PXK: variants seen among roughly 807,000 people sequenced by gnomAD.
The protein encoded by PXK is PX domain containing serine/threonine kinase like, also known as PX domain-containing protein kinase-like protein.
Under a neutral mutation model 84.7 loss-of-function variants are expected in PXK, and 35 were observed. That is an observed-to-expected ratio of 0.41 (90% confidence interval 0.32 to 0.55). The LOEUF (loss-of-function observed/expected upper bound fraction) is 0.55, where lower values mean the gene tolerates loss of function less well. Among genes scored for constraint, PXK ranks in the 20% least tolerant of loss-of-function variants. PXK has a pLI of 0.21. For missense variants in PXK, 634 were observed against 699.7 expected, an observed-to-expected ratio of 0.91 and a Z score of 1.06; for synonymous variants, 253 against 260.8, an observed-to-expected ratio of 0.97 and a Z score of 0.29.
rs1006949134 is a variant in PXK at position 58,421,729 on chromosome 3, A to G, written c.1529-3023A>G. ...CTGACAGGGCCTCTGCTGGACTGCC[A>G]GGTTCCCGTGTGGTTTGGTGGAGAA... On this transcript the variant is annotated intron_variant, in intron 17 of 17. Transcript: ENST00000356151. This position sits in a 1 kb window ranked among gnomAD's most constrained non-coding sequence, Gnocchi z 5.5. The G allele has an allele frequency of 2.0e-6, 2 of 985,316 alleles. No homozygotes were observed. Among genetic ancestry groups the G allele is most frequent in the Non-Finnish European group, 2.4e-6 (2 of 829,938 alleles). 61.0% of individuals were successfully genotyped at this position (985,316 alleles called of 1,614,324 possible). A position where few individuals can be genotyped will look rare whatever the true frequency, so the allele number is the denominator to read the frequency against.
At chr3:58,404,001 T>G in intron 13 of PXK, 91 bp downstream of exon 13, 1 of 852,208 alleles carries the variant, frequency 1.2e-6, no homozygotes, top group Non-Finnish European at 1.7e-6. Context: ...AGAAAAGATA[T>G]ATAATAGGGA....
chr3:58,391,657 T>G (rs1480758477), intron 6 of PXK, 116 bp from the exon 7 acceptor site: 1 of 936,338 alleles, frequency 1.1e-6, no homozygotes, highest in African/African-American at 1.7e-5. Flanking sequence ...AGACTTAGTG[T>G]TGTTTTCGTC....
rs2060706059 is a variant in PXK, at chr3:58,414,676, C to T, written c.1528+1713C>T. 1 of 152,134 alleles carries T rather than the reference C, an allele frequency of 6.6e-6. No individual in the cohort carries two copies. Among genetic ancestry groups the T allele is most frequent in the African/African-American group, 2.4e-5 (1 of 41,408 alleles). The allele number at this position is 152,134 out of a possible 1,614,324, so 9.4% of individuals were successfully genotyped here. Reference sequence around the variant, plus strand: ...TGTGAGGCCCCAGCACAATGCCTGGCAGAGTGAGAGTGCCTGGCAGAGATG... The same window carrying T: ...TGTGAGGCCCCAGCACAATGCCTGGTAGAGTGAGAGTGCCTGGCAGAGATG... On this transcript the variant is annotated intron_variant, in intron 17 of 17. Coordinates refer to ENST00000356151, the MANE Select transcript of PXK (RefSeq NM_017771.5). This position sits in a 1 kb window ranked among gnomAD's most constrained non-coding sequence, Gnocchi z 4.5.
Position 58,391,833 on chromosome 3 carries a change from C to T in PXK, c.601C>T (p.Leu201=). The T allele has an allele frequency of 1.2e-6, 2 of 1,611,754 alleles. No individual in the cohort carries two copies. Among genetic ancestry groups the T allele is most frequent in the Non-Finnish European group, 1.7e-6 (2 of 1,177,870 alleles). ...DKDFQCLIKL[L]PSCLHPYIYR... is the part of the protein sequence containing the mutation. ...AGATTTTCAGTGTCTAATCAAACTT[C>T]TGCCTTCTTGTTTGGTGAGTATACG... The change falls in exon 7 of 18, where the codon CTG becomes TTG. Residue 201 remains leucine, a synonymous_variant. Coordinates refer to ENST00000356151, the MANE Select transcript of PXK (RefSeq NM_017771.5).
At chr3:58,404,792 T>C (rs1412107475) in intron 13 of PXK, among the ~76,000 whole-genome samples, 2 of 152,012 alleles carry the variant, frequency 1.3e-5, no homozygotes, top group African/African-American at 4.8e-5. Flanking sequence ...AAAATAAATT[T>C]AGAAAACAAA....
At chr3:58,378,512 TTGTGTGTGTGTGTGTG>T (rs71091375) in intron 3 of PXK, among the ~76,000 whole-genome samples, 4 of 29,104 alleles carry the variant, frequency 1.4e-4, no homozygotes, top group African/African-American at 2.7e-4. Flanking sequence ...TTTTTTTTTT[TTGTGTGTGTGTGTGTG>T]TGTGTGTGTG....
At chr3:58,405,431 C>T (rs1400718527) in intron 13 of PXK, among the ~76,000 whole-genome samples, 1 of 152,126 alleles carries the variant, frequency 6.6e-6, no homozygotes, top group African/African-American at 2.4e-5. Flanking sequence ...GTAATCCCAA[C>T]ACTTTGGGAG....
chr3:58,414,098 G>C lies in PXK; in HGVS notation c.1528+1135G>C, dbSNP rs2060615689. The C allele has an allele frequency of 6.6e-6, 1 of 152,188 alleles. No homozygotes were observed. The highest frequency in any genetic ancestry group is 1.5e-5 in the Non-Finnish European group (1 of 68,040). 9.4% of individuals were successfully genotyped at this position (152,188 alleles called of 1,614,324 possible). ...AGATTTCCCAAGAAAGCCCCCAAAT[G>C]TTGATCAAGACAGAAAATAGGCCTT... On this transcript the variant is annotated intron_variant, in intron 17 of 17. Coordinates refer to ENST00000356151, the MANE Select transcript of PXK (RefSeq NM_017771.5). This position sits in a 1 kb window ranked among gnomAD's most constrained non-coding sequence, Gnocchi z 4.5.
intron 1 of PXK, among the ~76,000 whole-genome samples, chr3:58,339,968 C>A (rs2097699561): frequency 6.6e-6 from 1 of 151,906 alleles, no homozygotes; most frequent in African/African-American, 2.4e-5. Context: ...GCGACTGCCA[C>A]CATGCCTGGC....
At chr3:58,339,523 C>A (rs1386894088) in intron 1 of PXK, among the ~76,000 whole-genome samples, 1 of 152,106 alleles carries the variant, frequency 6.6e-6, no homozygotes, top group Non-Finnish European at 1.5e-5. Flanking sequence ...AGCTACCGTG[C>A]CCAGCCAGAA....
chr3:58,374,939 CAT>C (rs2098425231), intron 3 of PXK, among the ~76,000 whole-genome samples: 1 of 152,268 alleles, frequency 6.6e-6, no homozygotes, highest in South Asian at 2.1e-4. Flanking sequence ...GTCTGTCTGA[CAT>C]AGCAGGGACA....
chr3:58,360,118 A>G (rs1275422485), intron 1 of PXK, among the ~76,000 whole-genome samples: 3 of 152,196 alleles, frequency 2.0e-5, no homozygotes, highest in Admixed American at 2.0e-4. Flanking sequence ...TGGATGACAG[A>G]GTAACACCTT....
chr3:58,420,324 A>G (rs1201366950), intron 17 of PXK, among the ~76,000 whole-genome samples: 7 of 152,246 alleles, frequency 4.6e-5, no homozygotes, highest in African/African-American at 1.7e-4. Flanking sequence ...TGGTTATTCT[A>G]TAAATACGTT....
rs2098330293 is a variant in PXK, at chr3:58,369,467, A to G, written c.190A>G (p.Asn64Asp). 1.2e-6 allele frequency: 2 copies of G among 1,609,044 alleles called. No individual in the cohort carries two copies. Among genetic ancestry groups the G allele is most frequent in the African/African-American group, 1.3e-5 (1 of 74,784 alleles). The change falls in exon 3 of 18, where the codon AAC becomes GAC. Residue 64 changes from asparagine (N) to aspartate (D), a missense_variant. Physicochemically the swap from Asn to Asp is conservative, Grantham distance 23 (BLOSUM62 1). Transcript: ENST00000356151. ...RRYSDFDLLN[N>D]SLQIAGLSLP... ...ATACAGTGACTTTGATTTGCTTAAC[A>G]ACAGCTTACAGGTAAATGTTTTGAA... is the stretch of plus-strand genomic sequence containing the variant.
At position 58,370,610 on chromosome 3, in the gene PXK, T is replaced by C. The variant is rs576361678; in HGVS notation, c.201+1132T>C. 1.1e-4 allele frequency among the ~76,000 whole-genome samples: 17 copies of C among 152,286 alleles called. No individual in the cohort carries two copies. Among genetic ancestry groups the C allele is most frequent in the Admixed American group, 2.6e-4 (4 of 15,290 alleles). On this transcript the variant is annotated intron_variant, in intron 3 of 17. Transcript: ENST00000356151. The surrounding 1 kb of genome is among the most constrained non-coding windows in gnomAD (Gnocchi z 4.2). ...ATCGCTCATTCTGAGGGACCTCTGATCTTGCCCATAAAGGTCAGGAGGACT... is the reference window on the plus strand; with the variant it reads ...ATCGCTCATTCTGAGGGACCTCTGACCTTGCCCATAAAGGTCAGGAGGACT...
chr3:58,377,215 T>G (rs763039296), intron 3 of PXK, among the ~76,000 whole-genome samples: 17 of 151,766 alleles, frequency 1.1e-4, no homozygotes, highest in Admixed American at 3.3e-4. Flanking sequence ...TTTAGAATTA[T>G]CCGCCAACCT....
At chr3:58,358,965 C>T (rs1161440570) in intron 1 of PXK, among the ~76,000 whole-genome samples, 1 of 152,052 alleles carries the variant, frequency 6.6e-6, no homozygotes, top group African/African-American at 2.4e-5. Context: ...TATATCTATA[C>T]ACAGGAAAGG....
chr3:58,337,758 C>G (rs923291445), intron 1 of PXK, among the ~76,000 whole-genome samples: 1 of 152,166 alleles, frequency 6.6e-6, no homozygotes, highest in Non-Finnish European at 1.5e-5. Flanking sequence ...GTGTGAGCCA[C>G]TGTACCTGGC....
intron 1 of PXK, among the ~76,000 whole-genome samples, chr3:58,336,853 C>G (rs2097626917): frequency 6.6e-6 from 1 of 152,070 alleles, no homozygotes; most frequent in African/African-American, 2.4e-5. Context: ...GCTCTGTCAC[C>G]AGACTAGAGT....
Sources: allele counts gnomAD v4.1 joint callset (sites outside exome capture counted in the v4.1 genomes callset), GRCh38; gene constraint gnomAD v4.1.1; non-coding constraint Gnocchi (gnomAD v3.1); transcripts MANE v1.5; gene names NCBI Gene and HGNC (gene_info 2026-07-23, HGNC 2026-07-21).